CFAP206: variants seen among roughly 807,000 people sequenced by gnomAD.
CFAP206 encodes the protein cilia- and flagella-associated protein 206.
In CFAP206, 53 loss-of-function variants were observed where a neutral mutation model predicts 65.4. That is an observed-to-expected ratio of 0.81 (90% CI 0.65 to 1.02). CFAP206 has a LOEUF of 1.02. Ranked by LOEUF, CFAP206 falls within the 50% of genes least tolerant of loss-of-function variation. CFAP206 has a pLI of 0.00. For synonymous variants in CFAP206, 250 were observed against 254.4 expected, an observed-to-expected ratio of 0.98 and a Z score of 0.17; for missense variants, 663 against 753.2, an observed-to-expected ratio of 0.88 and a Z score of 1.40.
chr6:87,437,846 T>A (rs1034436246), intron 11 of CFAP206, among the ~76,000 whole-genome samples: 1 of 148,746 alleles, frequency 6.7e-6, no homozygotes, highest in African/African-American at 2.5e-5. Context: ...TTTTTTTTTT[T>A]TTTTTAGTTT....
Position 87,428,659 on chromosome 6 carries a change from A to G in CFAP206, c.994A>G (p.Ser332Gly). 2 of 1,614,054 alleles carry G rather than the reference A, an allele frequency of 1.2e-6. No homozygotes were observed. The highest frequency in any genetic ancestry group is 1.7e-6 in the Non-Finnish European group (2 of 1,180,008). ...IFIALSTLWT[S>G]LQDETIVVGV... is the part of the protein sequence containing the mutation. ...CATTGCACTTTCTACTCTGTGGACCAGCTTGCAAGACGAAACTATTGTGGT... is the reference window on the plus strand; with the variant it reads ...CATTGCACTTTCTACTCTGTGGACCGGCTTGCAAGACGAAACTATTGTGGT... Residue 332 changes from serine to glycine, a missense_variant, in exon 9 of 13, where the codon AGC becomes GGC. Ser to Gly is a moderately conservative substitution (Grantham distance 56, BLOSUM62 0). Transcript: ENST00000369562.
chr6:87,447,330 A>G (rs1184291852), intron 11 of CFAP206, among the ~76,000 whole-genome samples: 1 of 152,034 alleles, frequency 6.6e-6, no homozygotes, highest in Non-Finnish European at 1.5e-5. Context: ...GTTTGTCATA[A>G]ATGGCTCTTA....
chr6:87,413,892 C>T lies in CFAP206; in HGVS notation c.275C>T (p.Thr92Met), dbSNP rs138677801. The change falls in exon 4 of 13, where the codon ACG becomes ATG. Residue 92 changes from threonine (T) to methionine (M), a missense_variant. Transcript: ENST00000369562. Reference sequence around the variant, plus strand: ...CAAGTCTACTTCGATATGAATTATACGAATCGAGGTAATGTATACTACCTA... The same window carrying T: ...CAAGTCTACTTCGATATGAATTATATGAATCGAGGTAATGTATACTACCTA... ...KMQVYFDMNY[T>M]NRVEFLEEHH... The T allele has an allele frequency of 3.8e-5, 58 of 1,528,146 alleles. No homozygotes were observed. The African/African-American group carries it at 5.1e-4, about 14-fold the overall frequency. 94.7% of individuals were successfully genotyped at this position (1,528,146 alleles called of 1,614,324 possible).
At chr6:87,421,025 G>A (rs1767932206) in intron 7 of CFAP206, among the ~76,000 whole-genome samples, 1 of 152,098 alleles carries the variant, frequency 6.6e-6, no homozygotes, top group Non-Finnish European at 1.5e-5. Context: ...ATTATCTCTA[G>A]ATTATAAACT....
intron 11 of CFAP206, among the ~76,000 whole-genome samples, chr6:87,448,009 G>A (rs1038495534): frequency 2.1e-5 from 3 of 141,424 alleles, no homozygotes; most frequent in Non-Finnish European, 3.2e-5. Flanking sequence ...AGAACGTGCA[G>A]GTTTGTTAAA....
chr6:87,437,870 G>C (rs1768301226), intron 11 of CFAP206, among the ~76,000 whole-genome samples: 1 of 139,178 alleles, frequency 7.2e-6, no homozygotes, highest in South Asian at 2.3e-4. Context: ...TTTTTCTAGA[G>C]ACGGTGCCTC....
At chr6:87,462,474 A>G (rs1198009905) in intron 12 of CFAP206, among the ~76,000 whole-genome samples, 1 of 152,198 alleles carries the variant, frequency 6.6e-6, no homozygotes, top group Non-Finnish European at 1.5e-5. Context: ...GGTAACATAT[A>G]TATCCCACTA....
intron 11 of CFAP206, 129 bp downstream of exon 11, chr6:87,435,182 C>A: frequency 1.7e-6 from 1 of 587,188 alleles, no homozygotes; most frequent in Non-Finnish European, 2.9e-6. Context: ...TACAGGTTGT[C>A]TGAAAGGGAT....
chr6:87,456,749 G>A (rs556334379), intron 11 of CFAP206, among the ~76,000 whole-genome samples: 1 of 152,214 alleles, frequency 6.6e-6, no homozygotes, highest in South Asian at 2.1e-4. Context: ...AATCAAGAAA[G>A]TAATCCCATT....
At chr6:87,408,535 CACACA>C in intron 1 of CFAP206, 1 of 72,098 alleles carries the variant, frequency 1.4e-5, no homozygotes, top group Non-Finnish European at 3.0e-5. Context: ...CCGGAGCGCG[CACACA>C]GATCCGGAGC....
chr6:87,433,219 A>G (rs1768188859), intron 10 of CFAP206, among the ~76,000 whole-genome samples: 1 of 152,124 alleles, frequency 6.6e-6, no homozygotes, highest in Non-Finnish European at 1.5e-5. Flanking sequence ...TCTTCCTTTT[A>G]CTATGTATTT....
chr6:87,431,092 G>A lies in CFAP206; in HGVS notation c.1219G>A (p.Ala407Thr), dbSNP rs1351241836. The stretch of plus-strand genomic sequence containing the variant: ...AGAATGGCTTTTCCCAGAAACAACA[G>A]CAAATTTTGATAAACTGTTAATTCA... ...KLEWLFPETT[A>T]NFDKLLIQYR... Residue 407 changes from alanine (A) to threonine (T), a missense_variant, in exon 10 of 13, where the codon GCA becomes ACA. By Grantham distance (58) the Ala-to-Thr change is moderately conservative. Coordinates refer to ENST00000369562, the MANE Select transcript of CFAP206 (RefSeq NM_001031743.3). The A allele has an allele frequency of 1.2e-6, 2 of 1,613,838 alleles. No individual in the cohort carries two copies. Among genetic ancestry groups the A allele is most frequent in the Non-Finnish European group, 1.7e-6 (2 of 1,179,892 alleles).
At chr6:87,463,865 A>AT (rs1768781491) in intron 12 of CFAP206, among the ~76,000 whole-genome samples, 155 bp from the exon 13 acceptor site, 1 of 152,088 alleles carries the variant, frequency 6.6e-6, no homozygotes, top group Non-Finnish European at 1.5e-5. Flanking sequence ...TATGTTCTAG[A>AT]TTTTCCAATG....
chr6:87,463,179 T>C (rs1219220318), intron 12 of CFAP206, among the ~76,000 whole-genome samples: 1 of 152,094 alleles, frequency 6.6e-6, no homozygotes. Flanking sequence ...TACTGAAGAG[T>C]TGACACATCT....
intron 1 of CFAP206, 99 bp from the exon 2 acceptor site, chr6:87,409,736 T>A: frequency 1.4e-6 from 1 of 733,450 alleles, no homozygotes; most frequent in East Asian, 2.7e-5. Context: ...GATGATATTA[T>A]GACTGTTTAC....
chr6:87,411,269 C>G (rs1322052449), intron 3 of CFAP206, among the ~76,000 whole-genome samples: 1 of 152,208 alleles, frequency 6.6e-6, no homozygotes, highest in African/African-American at 2.4e-5. Flanking sequence ...AATTAATTTG[C>G]ATTTCTCTAA....
chr6:87,426,219 C>CA (rs1282648314), intron 7 of CFAP206: 1 of 157,310 alleles, frequency 6.4e-6, no homozygotes, highest in African/African-American at 2.4e-5. Flanking sequence ...AACAGCTATA[C>CA]AAAAACGGAT....
chr6:87,426,413 G>T, intron 7 of CFAP206, 113 bp from the exon 8 acceptor site: 3 of 689,038 alleles, frequency 4.4e-6, no homozygotes, highest in Non-Finnish European at 6.7e-6. Context: ...CAGACTTCCT[G>T]CTGTCATTGA....
Position 87,428,781 on chromosome 6 carries a change from A to C in CFAP206, c.1116A>C (p.Gly372=), listed in dbSNP as rs1417228088. 2.5e-6 allele frequency: 4 copies of C among 1,614,010 alleles called. No individual in the cohort carries two copies. The highest frequency in any genetic ancestry group is 3.4e-6 in the Non-Finnish European group (4 of 1,180,020). The part of the protein sequence containing the change: ...PERVMQCHLN[G]ATVKTDVCRM... ...GAGTGATGCAATGTCATCTTAATGG[A>C]GCGACTGTGAAAACTGATGTGTGTA... is the stretch of plus-strand genomic sequence containing the variant. Residue 372 remains glycine, a synonymous_variant, in exon 9 of 13, where the codon GGA becomes GGC. Coordinates refer to ENST00000369562, the MANE Select transcript of CFAP206 (RefSeq NM_001031743.3).
Sources: gnomAD v4.1 joint callset for allele counts (sites outside exome capture counted in the v4.1 genomes callset) on GRCh38, gnomAD v4.1.1 for gene constraint, MANE v1.5 for transcripts, NCBI Gene and HGNC (gene_info 2026-07-23, HGNC 2026-07-21) for gene names.